The following SMIM41 variants were observed in gnomAD, a reference collection of about 807,000 sequenced individuals.
SMIM41 encodes small integral membrane protein 41.
At chr12:52,106,469 A>C (rs948872310) in intron 2 of SMIM41, among the ~76,000 whole-genome samples, 3 of 152,122 alleles carry the variant, frequency 2.0e-5, no homozygotes, top group African/African-American at 7.2e-5. Flanking sequence ...CAGCCTCCTG[A>C]GTAGCTGGGA....
intron 2 of SMIM41, among the ~76,000 whole-genome samples, chr12:52,097,981 A>G (rs1447579899): frequency 6.7e-6 from 1 of 150,010 alleles, no homozygotes; most frequent in Non-Finnish European, 1.5e-5. Flanking sequence ...AGACAATAAC[A>G]CAGGGGTAAC....
intron 2 of SMIM41, among the ~76,000 whole-genome samples, chr12:52,095,723 C>T (rs1940080873): frequency 6.6e-6 from 1 of 152,088 alleles, no homozygotes. Context: ...GGAGTAACAT[C>T]ATCCTCTCTG....
chr12:52,098,378 C>G (rs1940141099), intron 2 of SMIM41, among the ~76,000 whole-genome samples: 1 of 151,994 alleles, frequency 6.6e-6, no homozygotes, highest in South Asian at 2.1e-4. Flanking sequence ...TATACACCAC[C>G]TGCAATATTG....
chr12:52,083,535 G>A (rs1456120296), intron 1 of SMIM41, among the ~76,000 whole-genome samples: 1 of 152,134 alleles, frequency 6.6e-6, no homozygotes, highest in African/African-American at 2.4e-5. Context: ...CACATCTTCC[G>A]AGGGTGGGTG....
chr12:52,098,417 T>G (rs1940142150), intron 2 of SMIM41, among the ~76,000 whole-genome samples: 1 of 152,006 alleles, frequency 6.6e-6, no homozygotes, highest in Non-Finnish European at 1.5e-5. Context: ...CCCCCCTGGA[T>G]ATTAGAAACA....
At chr12:52,093,897 G>A (rs936230448) in intron 2 of SMIM41, among the ~76,000 whole-genome samples, 8 of 152,054 alleles carry the variant, frequency 5.3e-5, no homozygotes, top group Non-Finnish European at 1.2e-4. Flanking sequence ...TTGGGAGGCC[G>A]AGGCAGGTGG....
intron 2 of SMIM41, among the ~76,000 whole-genome samples, chr12:52,086,959 G>C (rs536076157): frequency 8.9e-4 from 135 of 152,248 alleles, no homozygotes; most frequent in African/African-American, 3.0e-3. Flanking sequence ...CAGGCTGCTG[G>C]GTGCCCCCAA....
intron 2 of SMIM41, among the ~76,000 whole-genome samples, chr12:52,100,014 C>T (rs1420222607): frequency 6.6e-6 from 1 of 151,932 alleles, no homozygotes; most frequent in Non-Finnish European, 1.5e-5. Flanking sequence ...CCTCCCCAAA[C>T]CTGGATGTTA....
intron 2 of SMIM41, among the ~76,000 whole-genome samples, chr12:52,095,233 C>T (rs1462953706): frequency 4.6e-5 from 7 of 152,010 alleles, no homozygotes; most frequent in East Asian, 1.9e-4. Flanking sequence ...CAATCCACAT[C>T]GCAGGGGGTC....
chr12:52,106,494 C>T (rs928849883), intron 2 of SMIM41, among the ~76,000 whole-genome samples: 63 of 152,144 alleles, frequency 4.1e-4, no homozygotes, highest in African/African-American at 3.1e-4. Context: ...AGGTGCCCTC[C>T]GCCATACCGG....
chr12:52,107,417 G>A lies in SMIM41; in HGVS notation c.*234G>A. 1 of 572,202 alleles carries A rather than the reference G, an allele frequency of 1.7e-6. No individual in the cohort carries two copies. The highest frequency in any genetic ancestry group is 1.4e-5 in the South Asian group (1 of 72,678). 35.4% of individuals were successfully genotyped at this position (572,202 alleles called of 1,614,324 possible). A position where few individuals can be genotyped will look rare whatever the true frequency, so the allele number is the denominator to read the frequency against. ...CCAGAACGGCAGCTGGTCCTTGCTGGACTGTTCCTGTCCATGTGCCTGGTC... is the reference window on the plus strand; with the variant it reads ...CCAGAACGGCAGCTGGTCCTTGCTGAACTGTTCCTGTCCATGTGCCTGGTC... On this transcript the variant is annotated 3_prime_UTR_variant, in exon 3 of 3. Transcript: ENST00000546390.
intron 2 of SMIM41, among the ~76,000 whole-genome samples, chr12:52,103,484 C>T (rs1247194047): frequency 1.3e-5 from 2 of 151,944 alleles, no homozygotes; most frequent in Admixed American, 1.3e-4. Flanking sequence ...CACGACCAGA[C>T]TCAGTGGCTT....
chr12:52,099,340 T>G (rs959046529), intron 2 of SMIM41, among the ~76,000 whole-genome samples: 1 of 150,826 alleles, frequency 6.6e-6, no homozygotes, highest in Non-Finnish European at 1.5e-5. Context: ...ATATCACGGG[T>G]GGTTTACATC....
chr12:52,107,562 G>C lies in SMIM41; in HGVS notation c.*379G>C. ...TGACATCGGTTTCACCTCCACCACG[G>C]TCCCCCAGATGACTGTGGACATCCA... On this transcript the variant is annotated 3_prime_UTR_variant, in exon 3 of 3. Transcript: ENST00000546390. The C allele has an allele frequency of 3.5e-6, 3 of 864,706 alleles. No individual in the cohort carries two copies. In the South Asian group the frequency reaches 3.9e-5, roughly 11 times the overall value. 53.6% of individuals were successfully genotyped at this position (864,706 alleles called of 1,614,324 possible).
chr12:52,080,450 A>G (rs1939801689), intron 1 of SMIM41, among the ~76,000 whole-genome samples: 1 of 152,076 alleles, frequency 6.6e-6, no homozygotes, highest in African/African-American at 2.4e-5. Context: ...TTCCAGCCTT[A>G]TGTTCTTTTT....
At chr12:52,082,244 TG>T (rs949920391) in intron 1 of SMIM41, among the ~76,000 whole-genome samples, 2 of 152,218 alleles carry the variant, frequency 1.3e-5, no homozygotes, top group African/African-American at 4.8e-5. Context: ...GTTTGGCCTT[TG>T]GGCTCAAGTT....
At chr12:52,083,428 C>T (rs1471788497) in intron 1 of SMIM41, among the ~76,000 whole-genome samples, 1 of 152,188 alleles carries the variant, frequency 6.6e-6, no homozygotes, top group Admixed American at 6.5e-5. Context: ...TCCCCGACTC[C>T]CCTCCAGTTT....
At chr12:52,096,654 GTTA>G (rs1029232373) in intron 2 of SMIM41, among the ~76,000 whole-genome samples, 1 of 151,408 alleles carries the variant, frequency 6.6e-6, no homozygotes, top group Non-Finnish European at 1.5e-5. Context: ...AATATCAGGC[GTTA>G]TTAATAATTA....
Position 52,083,982 on chromosome 12 carries a change from C to T in SMIM41, c.*195+14C>T, listed in dbSNP as rs1431174804. 6.6e-6 allele frequency: 1 copy of T among 152,026 alleles called. No homozygotes were observed. Among genetic ancestry groups the T allele is most frequent in the Admixed American group, 6.6e-5 (1 of 15,260 alleles). The allele number at this position is 152,026 out of a possible 1,614,324, so 9.4% of individuals were successfully genotyped here. A position where few individuals can be genotyped will look rare whatever the true frequency, so the allele number is the denominator to read the frequency against. On this transcript the variant is annotated intron_variant, in intron 2 of 2. Coordinates refer to ENST00000546390, the MANE Select transcript of SMIM41 (RefSeq NM_001369216.1). ...AGGAGAGAAGAGGTATAGAACCAGC[C>T]CTCTATTCCTGGGAACACTCATTTT...
Sources: gnomAD v4.1 joint callset for allele counts (sites outside exome capture counted in the v4.1 genomes callset) on GRCh38, gnomAD v4.1.1 for gene constraint, MANE v1.5 for transcripts, NCBI Gene and HGNC (gene_info 2026-07-23, HGNC 2026-07-21) for gene names.